FOLH1: variants seen among roughly 807,000 people sequenced by gnomAD.
FOLH1 encodes the protein folate hydrolase 1.
FOLH1 carries 54 observed loss-of-function variants against 93.9 expected under a neutral mutation model. That is an observed-to-expected ratio of 0.57 (90% CI 0.46 to 0.72). The LOEUF is 0.72. FOLH1 is among the 30% of genes least tolerant of loss of function. The probability of loss-of-function intolerance (pLI) is 0.00; values close to 1 mark genes in which losing one functional copy is unlikely to be tolerated. For missense variants in FOLH1, 571 were observed against 892.5 expected (o/e 0.64, Z 4.59); for synonymous variants, 249 against 303.6 (o/e 0.82, Z 1.87).
chr11:49,207,309 C>CA (rs1160473874), intron 1 of FOLH1, among the ~76,000 whole-genome samples: 1 of 152,144 alleles, frequency 6.6e-6, no homozygotes, highest in East Asian at 1.9e-4. Flanking sequence ...AGAGTGAGGG[C>CA]AATACCAGGA....
At chr11:49,200,230 TTTTA>T (rs567592268) in intron 3 of FOLH1, 21 bp downstream of exon 3, 129 of 1,465,982 alleles carry the variant, frequency 8.8e-5, no homozygotes, top group Middle Eastern at 3.6e-4. Context: ...GGAATGTTTC[TTTTA>T]TTTATTTATT....
At chr11:49,176,754 T>TA (rs1565173416) in intron 7 of FOLH1, among the ~76,000 whole-genome samples, 3 of 151,794 alleles carry the variant, frequency 2.0e-5, no homozygotes, top group Admixed American at 2.0e-4. Context: ...TGTAACTATA[T>TA]TTTTATGAAA....
intron 7 of FOLH1, among the ~76,000 whole-genome samples, chr11:49,181,133 A>T (rs1300321165): frequency 1.4e-5 from 2 of 143,644 alleles, no homozygotes; most frequent in Non-Finnish European, 1.5e-5. Flanking sequence ...TTTGAGACGG[A>T]GTCTCACTCT....
At chr11:49,170,584 C>T (rs1859140458) in intron 11 of FOLH1, among the ~76,000 whole-genome samples, 1 of 152,170 alleles carries the variant, frequency 6.6e-6, no homozygotes, top group South Asian at 2.1e-4. Context: ...CACTGTACTC[C>T]AGCCTGGGCA....
chr11:49,196,903 G>C (rs1184488657), intron 3 of FOLH1, among the ~76,000 whole-genome samples: 2 of 152,178 alleles, frequency 1.3e-5, no homozygotes. Flanking sequence ...TAATACAAAT[G>C]GGAGGGATTT....
chr11:49,192,102 TTTAAA>T (rs1404583417), intron 4 of FOLH1, among the ~76,000 whole-genome samples: 1 of 152,152 alleles, frequency 6.6e-6, no homozygotes, highest in Non-Finnish European at 1.5e-5. Flanking sequence ...TTTTAGCTAT[TTTAAA>T]TTAAATTTAT....
chr11:49,207,538 C>G (rs1864112947), intron 1 of FOLH1, among the ~76,000 whole-genome samples: 1 of 152,074 alleles, frequency 6.6e-6, no homozygotes, highest in Non-Finnish European at 1.5e-5. Flanking sequence ...TATTAAAGTC[C>G]AATGAGGAGT....
chr11:49,207,656 C>T, intron 1 of FOLH1: 2 of 341,736 alleles, frequency 5.9e-6, no homozygotes, highest in Non-Finnish European at 5.8e-6. Flanking sequence ...ATATTATCCT[C>T]ATCATAAAAT....
chr11:49,188,884 C>G (rs1340079979), intron 4 of FOLH1, among the ~76,000 whole-genome samples: 1 of 152,134 alleles, frequency 6.6e-6, no homozygotes, highest in Non-Finnish European at 1.5e-5. Flanking sequence ...ATTCAAGTGT[C>G]TTTTAATGAT....
chr11:49,198,290 G>A (rs1322125589), intron 3 of FOLH1, among the ~76,000 whole-genome samples: 1 of 152,002 alleles, frequency 6.6e-6, no homozygotes, highest in African/African-American at 2.4e-5. Context: ...GACCATCCTG[G>A]CTAAAACTGT....
intron 2 of FOLH1, among the ~76,000 whole-genome samples, chr11:49,203,250 TC>T (rs1257421617): frequency 1.3e-5 from 2 of 152,164 alleles, no homozygotes; most frequent in Non-Finnish European, 2.9e-5. Flanking sequence ...AAAGGAAGAA[TC>T]CCTCTAGAGA....
At chr11:49,195,740 G>A (rs781582569) in intron 3 of FOLH1, among the ~76,000 whole-genome samples, 6 of 151,988 alleles carry the variant, frequency 3.9e-5, no homozygotes, top group Non-Finnish European at 8.8e-5. Flanking sequence ...ATCTACAGAC[G>A]CTGAACAGAT....
intron 2 of FOLH1, among the ~76,000 whole-genome samples, chr11:49,202,521 C>T (rs1437575894): frequency 1.3e-5 from 2 of 151,962 alleles, no homozygotes; most frequent in Non-Finnish European, 2.9e-5. Context: ...GGACTACAGA[C>T]ACATGCCACC....
Position 49,146,703 on chromosome 11 carries a change from C to T in FOLH1, c.*53G>A. 6.6e-7 allele frequency: 1 copy of T among 1,526,498 alleles called. No homozygotes were observed. The highest frequency in any genetic ancestry group is 1.3e-5 in the South Asian group (1 of 76,708). 94.6% of individuals were successfully genotyped at this position (1,526,498 alleles called of 1,614,324 possible). ...ATTTATCAATATACCCATTACGATT[C>T]TTTCTGAGTGACATACCACACAAAT... On this transcript the variant is annotated 3_prime_UTR_variant, in exon 19 of 19. Transcript: ENST00000256999.
rs185431980 is a variant in FOLH1, at chr11:49,161,273, G to A, written c.1441-3230C>T. Among the ~76,000 whole-genome samples the A allele has an allele frequency of 1.6e-3, 239 of 152,218 alleles. 2 individuals carry two copies. Among genetic ancestry groups the A allele is most frequent in the African/African-American group, 5.6e-3 (232 of 41,536 alleles). On this transcript the variant is annotated intron_variant, in intron 13 of 18. Transcript: ENST00000256999. ...GTGTGGGAGTCTAAGTCTCTTTGAA[G>A]GTCTCTAAGAACTTGCCTTATGAAT...
At position 49,169,144 on chromosome 11, in the gene FOLH1, T is replaced by G; in HGVS notation, c.1372+51A>C. ...TTAGTGCATAATTTATTAACTAGAC[T>G]GCTGCTCCTAGTTTAATCACATCTT... On this transcript the variant is annotated intron_variant, in intron 12 of 18. Coordinates refer to ENST00000256999, the MANE Select transcript of FOLH1 (RefSeq NM_004476.3). 2.5e-6 allele frequency: 4 copies of G among 1,582,490 alleles called. No individual in the cohort carries two copies. The East Asian group carries it at 6.7e-5, about 27-fold the overall frequency.
chr11:49,152,630 G>T (rs1305648887), intron 17 of FOLH1, among the ~76,000 whole-genome samples: 1 of 151,866 alleles, frequency 6.6e-6, no homozygotes, highest in African/African-American at 2.4e-5. Context: ...TTTTCAGCTG[G>T]TTCTTTTGGA....
intron 10 of FOLH1, among the ~76,000 whole-genome samples, chr11:49,173,017 G>C (rs1195739861): frequency 6.6e-6 from 1 of 152,122 alleles, no homozygotes; most frequent in African/African-American, 2.4e-5. Flanking sequence ...TCTGCTTACA[G>C]TCTCTGACTA....
intron 6 of FOLH1, among the ~76,000 whole-genome samples, chr11:49,183,709 C>A (rs7106778): frequency 0.034 from 5,125 of 152,066 alleles, 124 homozygotes; most frequent in Non-Finnish European, 0.051. Context: ...CTAATACATA[C>A]AATATGATAG....
Sources: gnomAD v4.1 joint callset for allele counts (sites outside exome capture counted in the v4.1 genomes callset) on GRCh38, gnomAD v4.1.1 for gene constraint, MANE v1.5 for transcripts, NCBI Gene and HGNC (gene_info 2026-07-23, HGNC 2026-07-21) for gene names.